Variants in ABCB1 observed in about 807,000 individuals in gnomAD.
ABCB1 encodes ATP-dependent translocase ABCB1.
In ABCB1, 69 loss-of-function variants were observed where a neutral mutation model predicts 142.0. That is an observed-to-expected ratio of 0.49 (90% CI 0.40 to 0.59). The LOEUF (loss-of-function observed/expected upper bound fraction) is 0.59. ABCB1 is among the 20% of genes least tolerant of loss of function. The probability of loss-of-function intolerance (pLI) is 0.00; values close to 1 mark genes in which losing one functional copy is unlikely to be tolerated. For missense variants in ABCB1, 1,326 were observed against 1,554.7 expected (o/e 0.85, Z 2.47); for synonymous variants, 532 against 539.2 (o/e 0.99, Z 0.18).
chr7:87,600,141 T>G lies in ABCB1; in HGVS notation c.44A>C (p.Asn15Thr). 1 of 1,613,584 alleles carries G rather than the reference T, an allele frequency of 6.2e-7. No individual in the cohort carries two copies. The highest frequency in any genetic ancestry group is 8.5e-7 in the Non-Finnish European group (1 of 1,179,780). ...GDRNGGAKKKNFFKLNNKSEK... is the reference protein window; with the variant it reads ...GDRNGGAKKKTFFKLNNKSEK... Reference sequence around the variant, plus strand: ...CCTTTTATTGTTCAGTTTAAAAAAGTTCTTCTTCTTTGCTCCTCCATTGCG... The same window carrying G: ...CCTTTTATTGTTCAGTTTAAAAAAGGTCTTCTTCTTTGCTCCTCCATTGCG... The change falls in exon 2 of 28, where the codon AAC becomes ACC. Residue 15 changes from asparagine to threonine, a missense_variant. Physicochemically the swap from Asn to Thr is moderately conservative, Grantham distance 65. Coordinates refer to ENST00000622132, the MANE Select transcript of ABCB1 (RefSeq NM_001348946.2).
intron 1 of ABCB1, among the ~76,000 whole-genome samples, chr7:87,626,870 G>C (rs546118173): frequency 6.6e-6 from 1 of 151,866 alleles, no homozygotes; most frequent in African/African-American, 2.4e-5. Context: ...CCGCCTCCCG[G>C]GTTCAAACGA....
rs2235022 is a variant in ABCB1 at position 87,561,361 on chromosome 7, T to C, written c.729A>G (p.Glu243=). 4.6e-3 allele frequency: 7,364 copies of C among 1,613,474 alleles called. 25 individuals are homozygous for C. The highest frequency in any genetic ancestry group is 5.8e-3 in the South Asian group (527 of 91,022). The change falls in exon 8 of 28, where the codon GAA becomes GAG. Residue 243 remains glutamate, a synonymous_variant. Transcript: ENST00000622132. The stretch of plus-strand genomic sequence containing the variant: ...CTCCAGCTTTTGCATACGCTAAGAG[T>C]TCTTTATCAGTAAATGAAGATAGTA... ...AKILSSFTDK[E]LLAYAKAGAV...
intron 8 of ABCB1, among the ~76,000 whole-genome samples, chr7:87,559,070 A>G (rs1418576658): frequency 2.0e-5 from 3 of 152,118 alleles, no homozygotes; most frequent in African/African-American, 7.2e-5. Context: ...ATATAGTATC[A>G]AAGTTACACT....
intron 3 of ABCB1, among the ~76,000 whole-genome samples, chr7:87,587,939 A>T (rs1752598738): frequency 8.4e-6 from 1 of 118,744 alleles, no homozygotes; most frequent in Non-Finnish European, 2.0e-5. Flanking sequence ...AGAAAAGAGC[A>T]CAATGTGCTT....
chr7:87,560,057 A>G (rs1817493066), intron 8 of ABCB1, among the ~76,000 whole-genome samples: 4 of 152,148 alleles, frequency 2.6e-5, no homozygotes. Flanking sequence ...AATAATATTT[A>G]CCCCAACTGG....
chr7:87,537,391 C>T (rs1420229252), intron 19 of ABCB1, among the ~76,000 whole-genome samples: 4 of 152,190 alleles, frequency 2.6e-5, no homozygotes, highest in Non-Finnish European at 2.9e-5. Context: ...AGAAAAATGA[C>T]TGTGGCTGTT....
intron 1 of ABCB1, among the ~76,000 whole-genome samples, chr7:87,621,390 A>G (rs1398510541): frequency 6.6e-6 from 1 of 152,168 alleles, no homozygotes; most frequent in African/African-American, 2.4e-5. Context: ...GTAGCATTTT[A>G]TATCAGTGGG....
At position 87,554,747 on chromosome 7, in the gene ABCB1, A is replaced by G. The variant is rs1053981123; in HGVS notation, c.828-815T>C. On this transcript the variant is annotated intron_variant, in intron 8 of 27. Transcript: ENST00000622132. ...AGGATCTGACCTGGTGGCTTGGGCC[A>G]TCCACGGCTTCTGACTAACTCAAGG... 2.6e-5 allele frequency among the ~76,000 whole-genome samples: 4 copies of G among 152,232 alleles called. No homozygotes were observed. In the East Asian group the frequency reaches 5.8e-4, roughly 22 times the overall value.
intron 1 of ABCB1, among the ~76,000 whole-genome samples, chr7:87,672,421 T>A (rs1012918589): frequency 6.6e-6 from 1 of 152,126 alleles, no homozygotes; most frequent in African/African-American, 2.4e-5. Context: ...GGAGGTGCAG[T>A]GCTGCTACCG....
chr7:87,547,332 C>T (rs998888996), intron 14 of ABCB1, among the ~76,000 whole-genome samples: 3 of 152,098 alleles, frequency 2.0e-5, no homozygotes, highest in Non-Finnish European at 4.4e-5. Context: ...TGTGGAATTT[C>T]CCCTCAAAAT....
intron 3 of ABCB1, among the ~76,000 whole-genome samples, chr7:87,585,971 T>C (rs1818733972): frequency 6.6e-6 from 1 of 152,164 alleles, no homozygotes; most frequent in Non-Finnish European, 1.5e-5. Context: ...GTAAAAGTAT[T>C]TAATGGTATA....
chr7:87,630,862 A>G (rs895615292), intron 1 of ABCB1, among the ~76,000 whole-genome samples: 2 of 152,146 alleles, frequency 1.3e-5, no homozygotes, highest in African/African-American at 4.8e-5. Context: ...TTGAAAAGAA[A>G]AGGATTTGTA....
chr7:87,567,138 C>T (rs1265030899), intron 5 of ABCB1, among the ~76,000 whole-genome samples, 162 bp from the exon 6 acceptor site: 1 of 152,204 alleles, frequency 6.6e-6, no homozygotes, highest in Admixed American at 6.5e-5. Context: ...CACCATCCAA[C>T]TATGTTTGCA....
intron 1 of ABCB1, among the ~76,000 whole-genome samples, chr7:87,635,498 T>C (rs1046368402): frequency 6.6e-6 from 1 of 152,240 alleles, no homozygotes; most frequent in African/African-American, 2.4e-5. Flanking sequence ...CTTTTTCTCA[T>C]GCAGCTGTTA....
chr7:87,539,483 T>G, intron 18 of ABCB1, 138 bp from the exon 19 acceptor site: 1 of 890,142 alleles, frequency 1.1e-6, no homozygotes, highest in Non-Finnish European at 1.8e-6. Context: ...TTTCTGTGAC[T>G]GTGTGCCATG....
intron 1 of ABCB1, among the ~76,000 whole-genome samples, chr7:87,702,926 C>A (rs763174429): frequency 2.8e-4 from 43 of 152,170 alleles, no homozygotes; most frequent in Middle Eastern, 3.4e-3. Context: ...TTGAGTATAC[C>A]TAACTAACTC....
chr7:87,541,540 G>T, intron 17 of ABCB1, 76 bp from the exon 18 acceptor site: 1 of 1,037,230 alleles, frequency 9.6e-7, no homozygotes, highest in Non-Finnish European at 1.5e-6. Context: ...TTTCCCATCT[G>T]GCCCAGTATT....
chr7:87,656,023 A>T (rs779781214), intron 1 of ABCB1, among the ~76,000 whole-genome samples: 4 of 152,052 alleles, frequency 2.6e-5, no homozygotes, highest in Non-Finnish European at 5.9e-5. Context: ...CTAGACCCCA[A>T]ATCTGATGGT....
At chr7:87,689,220 GT>G (rs1827777259) in intron 1 of ABCB1, among the ~76,000 whole-genome samples, 1 of 151,974 alleles carries the variant, frequency 6.6e-6, no homozygotes, top group Non-Finnish European at 1.5e-5. Context: ...TTAAAGAAAT[GT>G]TTTAGTCTAC....
Sources: gnomAD v4.1 joint callset for allele counts (sites outside exome capture counted in the v4.1 genomes callset) on GRCh38, gnomAD v4.1.1 for gene constraint, MANE v1.5 for transcripts, NCBI Gene and HGNC (gene_info 2026-07-23, HGNC 2026-07-21) for gene names.